ME2: variants seen among roughly 807,000 people sequenced by gnomAD.
ME2 encodes NAD-dependent malic enzyme, mitochondrial.
A neutral mutation model predicts 73.7 loss-of-function variants in ME2; 60 were observed. The observed-to-expected ratio is 0.81, with a 90% CI of 0.66 to 1.01. The LOEUF (loss-of-function observed/expected upper bound fraction) is 1.01. Ranked by LOEUF, ME2 falls within the 50% of genes least tolerant of loss-of-function variation. ME2 has a pLI of 0.00. For synonymous variants in ME2, 199 were observed against 236.9 expected, an observed-to-expected ratio of 0.84 and a Z score of 1.47; for missense variants, 594 against 705.5, an observed-to-expected ratio of 0.84 and a Z score of 1.79.
chr18:50,918,160 C>T lies in ME2; in HGVS notation c.681C>T (p.Arg227=). The change falls in exon 7 of 16, where the codon CGC becomes CGT. Residue 227 remains arginine (R), a synonymous_variant. Transcript: ENST00000321341. ...FYMGLYQKRD[R]TQQYDDLIDE... is the part of the protein sequence containing the mutation. ...TGGGCTTGTACCAGAAACGAGATCG[C>T]ACACAACAGTATGATGACCTGATTG... The T allele has an allele frequency of 1.9e-6, 3 of 1,610,394 alleles. No individual in the cohort carries two copies. The highest frequency in any genetic ancestry group is 2.5e-6 in the Non-Finnish European group (3 of 1,177,518).
At position 50,953,651 on chromosome 18, in the gene ME2, ATATAT is replaced by A. The variant is rs967760515; in HGVS notation, c.*6472_*6476del. Reference sequence around the variant, plus strand: ...GTGCAAATAAATTTCAGTTGTGCTTATATATTATAATATTCACTTTAGGAATCCAC... The same window carrying A: ...GTGCAAATAAATTTCAGTTGTGCTTATATAATATTCACTTTAGGAATCCAC... On this transcript the variant is annotated 3_prime_UTR_variant, in exon 16 of 16. Transcript: ENST00000321341. 5 of 152,210 alleles carry A rather than the reference ATATAT, an allele frequency of 3.3e-5. No homozygotes were observed. Among genetic ancestry groups the A allele is most frequent in the South Asian group, 2.1e-4 (1 of 4,824 alleles). 9.4% of individuals were successfully genotyped at this position (152,210 alleles called of 1,614,324 possible).
intron 1 of ME2, among the ~76,000 whole-genome samples, chr18:50,890,160 GTTTCTTCTATT>G (rs1283922678): frequency 6.6e-6 from 1 of 151,896 alleles, no homozygotes; most frequent in Admixed American, 6.6e-5. Flanking sequence ...CAAACAGAAT[GTTTCTTCTATT>G]TTGCAGCTTA....
chr18:50,940,977 G>A (rs1023171890), intron 15 of ME2, among the ~76,000 whole-genome samples: 1 of 151,908 alleles, frequency 6.6e-6, no homozygotes, highest in African/African-American at 2.4e-5. Flanking sequence ...AACACTGTAG[G>A]CTGGGCGCAG....
At chr18:50,927,751 T>TATATATACAC (rs1316314513) in intron 12 of ME2, among the ~76,000 whole-genome samples, 31 of 123,288 alleles carry the variant, frequency 2.5e-4, no homozygotes, top group African/African-American at 1.0e-3. Context: ...TATATATATA[T>TATATATACAC]ACACACCACA....
chr18:50,908,246 A>T (rs1917063223), intron 3 of ME2, 50 bp downstream of exon 3: 1 of 1,388,506 alleles, frequency 7.2e-7, no homozygotes, highest in Admixed American at 2.3e-5. Flanking sequence ...TGATTAGAAA[A>T]CTTATGAGCA....
intron 1 of ME2, among the ~76,000 whole-genome samples, chr18:50,885,277 C>T (rs897727030): frequency 1.3e-5 from 2 of 152,204 alleles, no homozygotes; most frequent in African/African-American, 2.4e-5. Context: ...ATCCCAGCAA[C>T]TCACAGGCTG....
intron 1 of ME2, among the ~76,000 whole-genome samples, chr18:50,880,542 T>TGCGG (rs1156691484): frequency 6.6e-6 from 1 of 152,210 alleles, no homozygotes; most frequent in East Asian, 1.9e-4. Context: ...ATTCCAGCAC[T>TGCGG]TCTGGGAGGC....
Position 50,951,176 on chromosome 18 carries a change from TATGAC to T in ME2, c.*3998_*4002del, listed in dbSNP as rs1918215847. ...GGACATTTATTTCTCTTAGTTTTCT[TATGAC>T]ATGACTTGCCTTATATCCTTTGTCC... On this transcript the variant is annotated 3_prime_UTR_variant, in exon 16 of 16. Transcript: ENST00000321341. 6.6e-6 allele frequency: 1 copy of T among 152,274 alleles called. No homozygotes were observed. The allele number at this position is 152,274 out of a possible 1,614,324, so 9.4% of individuals were successfully genotyped here.
intron 3 of ME2, among the ~76,000 whole-genome samples, chr18:50,910,872 A>G (rs1917140894): frequency 6.6e-6 from 1 of 152,208 alleles, no homozygotes; most frequent in Non-Finnish European, 1.5e-5. Flanking sequence ...CAGAGCAGGA[A>G]ATAAAGAGGA....
intron 2 of ME2, among the ~76,000 whole-genome samples, chr18:50,904,037 G>A (rs1916952166): frequency 6.6e-6 from 1 of 152,134 alleles, no homozygotes; most frequent in Non-Finnish European, 1.5e-5. Context: ...GACCTCTGTT[G>A]TTAGGTATGT....
chr18:50,949,425 C>G lies in ME2; in HGVS notation c.*2241C>G, dbSNP rs117042409. On this transcript the variant is annotated 3_prime_UTR_variant, in exon 16 of 16. Coordinates refer to ENST00000321341, the MANE Select transcript of ME2 (RefSeq NM_002396.5). ...CATAGAGCACTGCAGCCTGGAACTC[C>G]TGGGTTCAAGCTCTCCTCCTGCCTC... 2.0e-5 allele frequency: 3 copies of G among 152,198 alleles called. No individual in the cohort carries two copies. Among genetic ancestry groups the G allele is most frequent in the Admixed American group, 6.5e-5 (1 of 15,270 alleles). 9.4% of individuals were successfully genotyped at this position (152,198 alleles called of 1,614,324 possible).
In ME2 at chr18:50,918,138, GC is replaced by G; in HGVS notation, c.660del (p.Leu221CysfsTer14). 6.2e-7 allele frequency: 1 copy of G among 1,607,282 alleles called. No individual in the cohort carries two copies. The highest frequency in any genetic ancestry group is 8.5e-7 in the Non-Finnish European group (1 of 1,175,470). Reference protein sequence around the residue: ...IALLKDPFYMGLYQKRDRTQQ... With the variant: ...IALLKDPFYMXLYQKRDRTQQ... ...CTCTTAAAAGACCCATTTTACATGG[GC>G]TTGTACCAGAAACGAGATCGCACAC... is the stretch of plus-strand genomic sequence containing the variant. On this transcript the variant is annotated frameshift_variant, in exon 7 of 16. Coordinates refer to ENST00000321341, the MANE Select transcript of ME2 (RefSeq NM_002396.5). LOFTEE classifies it high-confidence loss of function.
chr18:50,948,307 A>C lies in ME2; in HGVS notation c.*1123A>C, dbSNP rs567322318. ...TTTTAATCCCAGTAAAATGGGTAAT[A>C]ATGGCTATCCAGAACAGTTTTCTTG... On this transcript the variant is annotated 3_prime_UTR_variant, in exon 16 of 16. Coordinates refer to ENST00000321341, the MANE Select transcript of ME2 (RefSeq NM_002396.5). The C allele has an allele frequency of 6.6e-6, 1 of 152,186 alleles. No homozygotes were observed. The highest frequency in any genetic ancestry group is 2.4e-5 in the African/African-American group (1 of 41,442). 9.4% of individuals were successfully genotyped at this position (152,186 alleles called of 1,614,324 possible).
chr18:50,885,493 G>A (rs1469393396), intron 1 of ME2, among the ~76,000 whole-genome samples: 2 of 151,910 alleles, frequency 1.3e-5, no homozygotes, highest in African/African-American at 4.8e-5. Context: ...ATTCCAGCCT[G>A]AGTGACAGAG....
At chr18:50,940,135 T>C (rs1248756674) in intron 14 of ME2, 153 bp from the exon 15 acceptor site, 1 of 625,178 alleles carries the variant, frequency 1.6e-6, no homozygotes, top group East Asian at 2.8e-5. Flanking sequence ...TGAACAGTTT[T>C]AATTTCTGCA....
At chr18:50,900,435 C>T (rs887924866) in intron 2 of ME2, among the ~76,000 whole-genome samples, 9 of 151,688 alleles carry the variant, frequency 5.9e-5, no homozygotes, top group Non-Finnish European at 2.9e-5. Context: ...GCTGGGAGTA[C>T]AGGCGCCTGC....
At position 50,948,141 on chromosome 18, in the gene ME2, C is replaced by T. The variant is rs1918133158; in HGVS notation, c.*957C>T. 1 of 152,198 alleles carries T rather than the reference C, an allele frequency of 6.6e-6. No individual in the cohort carries two copies. Among genetic ancestry groups the T allele is most frequent in the South Asian group, 2.1e-4 (1 of 4,832 alleles). 9.4% of individuals were successfully genotyped at this position (152,198 alleles called of 1,614,324 possible). ...TGCTTGAGATAATTTTGGAATGTTA[C>T]TATGATACTGTTTCTTTGAATATCA... On this transcript the variant is annotated 3_prime_UTR_variant, in exon 16 of 16. Transcript: ENST00000321341.
At chr18:50,918,448 C>G (rs1599108832) in intron 7 of ME2, among the ~76,000 whole-genome samples, 1 of 152,298 alleles carries the variant, frequency 6.6e-6, no homozygotes, top group East Asian at 1.9e-4. Context: ...TGAGGGAAGT[C>G]TGCCCTCACT....
In ME2 at chr18:50,932,267, T is replaced by G. The variant is rs550039799; in HGVS notation, c.1324T>G (p.Leu442Val). The G allele has an allele frequency of 1.9e-6, 3 of 1,612,772 alleles. No individual in the cohort carries two copies. In the South Asian group the frequency reaches 3.3e-5, roughly 18 times the overall value. ...EAYTLTEGRC[L>V]FASGSPFGPV... ...TTCATTTTATTAACAGGGCAGGTGTTTGTTTGCCAGTGGCAGTCCATTTGG... is the reference window on the plus strand; with the variant it reads ...TTCATTTTATTAACAGGGCAGGTGTGTGTTTGCCAGTGGCAGTCCATTTGG... The change falls in exon 13 of 16, where the codon TTG (leucine) becomes GTG (valine). Residue 442 changes from leucine (L) to valine (V), a missense_variant. By Grantham distance (32) the Leu-to-Val change is conservative. Coordinates refer to ENST00000321341, the MANE Select transcript of ME2 (RefSeq NM_002396.5).
Sources: gnomAD v4.1 joint callset for allele counts (sites outside exome capture counted in the v4.1 genomes callset) on GRCh38, gnomAD v4.1.1 for gene constraint, MANE v1.5 for transcripts, NCBI Gene and HGNC (gene_info 2026-07-23, HGNC 2026-07-21) for gene names.